The following TTLL11 variants were observed in gnomAD, a reference collection of about 807,000 sequenced individuals.
TTLL11 encodes tubulin tyrosine ligase like 11, also known as tubulin polyglutamylase TTLL11.
TTLL11 carries 42 observed loss-of-function variants against 51.7 expected under a neutral mutation model. The observed-to-expected ratio is 0.81, with a 90% CI of 0.64 to 1.05. The LOEUF is 1.05. Ranked by LOEUF, TTLL11 falls within the 50% of genes least tolerant of loss-of-function variation. The pLI is 0.00. For missense variants in TTLL11, 799 were observed against 940.4 expected (o/e 0.85, Z 1.97); for synonymous variants, 381 against 383.5 (o/e 0.99, Z 0.08).
intron 6 of TTLL11, among the ~76,000 whole-genome samples, chr9:121,896,166 A>T (rs1181524741): frequency 6.6e-6 from 1 of 152,080 alleles, no homozygotes; most frequent in Non-Finnish European, 1.5e-5. Flanking sequence ...CTGAGTAAGC[A>T]GGAGCCGTTA....
intron 6 of TTLL11, among the ~76,000 whole-genome samples, chr9:121,887,004 T>C (rs1839034653): frequency 6.6e-6 from 1 of 152,020 alleles, no homozygotes; most frequent in African/African-American, 2.4e-5. Flanking sequence ...TTGGTGTCCT[T>C]GCGAGGCTGG....
In TTLL11 at chr9:121,822,039, A is replaced by G. The variant is rs1349774896; in HGVS notation, c.*548T>C. On this transcript the variant is annotated 3_prime_UTR_variant, in exon 9 of 9. Transcript: ENST00000321582. This position sits in a 1 kb window ranked among gnomAD's most constrained non-coding sequence, Gnocchi z 5.8. ...CAGCAACAGGCAAGCTAATGAACTAAATGAGGTTAATCTGTTCACTACACC... is the reference window on the plus strand; with the variant it reads ...CAGCAACAGGCAAGCTAATGAACTAGATGAGGTTAATCTGTTCACTACACC... 1 of 152,192 alleles carries G rather than the reference A, an allele frequency of 6.6e-6. No individual in the cohort carries two copies. Among genetic ancestry groups the G allele is most frequent in the African/African-American group, 2.4e-5 (1 of 41,438 alleles). The allele number at this position is 152,192 out of a possible 1,614,324, so 9.4% of individuals were successfully genotyped here. A position where few individuals can be genotyped will look rare whatever the true frequency, so the allele number is the denominator to read the frequency against.
At chr9:121,915,859 C>T (rs1034986060) in intron 6 of TTLL11, among the ~76,000 whole-genome samples, 1 of 151,906 alleles carries the variant, frequency 6.6e-6, no homozygotes, top group African/African-American at 2.4e-5. Context: ...CAGCAGTTGG[C>T]CCCCAAACAT....
intron 1 of TTLL11, among the ~76,000 whole-genome samples, chr9:122,068,186 G>C (rs983733023): frequency 6.6e-6 from 1 of 152,136 alleles, no homozygotes; most frequent in African/African-American, 2.4e-5. Context: ...CAAAACAATA[G>C]CTAAGTTATA....
chr9:122,006,398 AT>A (rs779131676), intron 3 of TTLL11, among the ~76,000 whole-genome samples: 1 of 149,636 alleles, frequency 6.7e-6, no homozygotes, highest in East Asian at 1.9e-4. Flanking sequence ...TTTTTTCTGG[AT>A]TTTTTTTTAG....
intron 6 of TTLL11, among the ~76,000 whole-genome samples, chr9:121,927,107 T>C (rs987144999): frequency 6.6e-6 from 1 of 152,208 alleles, no homozygotes; most frequent in Non-Finnish European, 1.5e-5. Flanking sequence ...CCGGTGGAGT[T>C]AGGATTTCAA....
intron 8 of TTLL11, among the ~76,000 whole-genome samples, chr9:121,852,754 G>A (rs1426194305): frequency 1.3e-5 from 2 of 152,188 alleles, no homozygotes; most frequent in East Asian, 3.8e-4. Flanking sequence ...GGTTGAGCCG[G>A]CATCTCTGCT....
intron 1 of TTLL11, among the ~76,000 whole-genome samples, chr9:122,079,029 T>C (rs1003202646): frequency 2.6e-5 from 4 of 152,232 alleles, no homozygotes; most frequent in Non-Finnish European, 4.4e-5. Flanking sequence ...TTGTGAATAA[T>C]GCTACTATGA....
chr9:122,046,292 C>G (rs1435678513), intron 1 of TTLL11, among the ~76,000 whole-genome samples: 2 of 152,140 alleles, frequency 1.3e-5, no homozygotes, highest in African/African-American at 4.8e-5. Flanking sequence ...CTCCTTCTCT[C>G]TCTTCCTCCT....
intron 6 of TTLL11, among the ~76,000 whole-genome samples, chr9:121,957,870 T>C (rs1278136712): frequency 6.6e-6 from 1 of 152,180 alleles, no homozygotes; most frequent in Non-Finnish European, 1.5e-5. Context: ...CCCAACTCCT[T>C]ACAGTGGTAG....
intron 6 of TTLL11, among the ~76,000 whole-genome samples, chr9:121,877,555 C>T (rs1302274932): frequency 2.0e-5 from 3 of 152,312 alleles, no homozygotes; most frequent in African/African-American, 7.2e-5. Context: ...GACCCTTCCT[C>T]CCCACAAACC....
At chr9:121,852,677 T>C (rs7027689) in intron 8 of TTLL11, among the ~76,000 whole-genome samples, 2,649 of 152,280 alleles carry the variant, frequency 0.017, 74 homozygotes, top group African/African-American at 0.06. Context: ...CCTAGTCTGG[T>C]GGCACTACGG....
chr9:121,971,067 T>TGG (rs1277705902), intron 6 of TTLL11, among the ~76,000 whole-genome samples: 2 of 105,844 alleles, frequency 1.9e-5, no homozygotes, highest in Admixed American at 9.4e-5. Flanking sequence ...GGGAGGGAGG[T>TGG]GGGGGGGTCA....
At chr9:122,025,710 A>G (rs1273717224) in intron 3 of TTLL11, among the ~76,000 whole-genome samples, 1 of 152,220 alleles carries the variant, frequency 6.6e-6, no homozygotes, top group African/African-American at 2.4e-5. Context: ...GGGATGATAA[A>G]ATGACACAAC....
At chr9:121,962,043 G>T (rs553273203) in intron 6 of TTLL11, among the ~76,000 whole-genome samples, 1 of 152,270 alleles carries the variant, frequency 6.6e-6, no homozygotes, top group African/African-American at 2.4e-5. Context: ...GCAACAGAGT[G>T]AGACTCCATC....
Position 121,860,385 on chromosome 9 carries a change from C to T in TTLL11, c.1792G>A (p.Asp598Asn). ...SMAAVDILYI[D>N]ITRRWNSMTL... ...ATGGAGTTCCACCTCCGTGTGATGT[C>T]AATGTAGAGGATGTCCACGGCAGCC... The change falls in exon 8 of 9, where the codon GAC becomes AAC. Residue 598 changes from aspartate (D) to asparagine (N), a missense_variant. By Grantham distance (23) the Asp-to-Asn change is conservative. Around this residue, in one of 3 missense-constraint regions of TTLL11, gnomAD observed 165 missense variants for 166.1 expected, o/e 0.99. Transcript: ENST00000321582. 6.4e-7 allele frequency: 1 copy of T among 1,551,490 alleles called. No homozygotes were observed. Among genetic ancestry groups the T allele is most frequent in the Non-Finnish European group, 8.7e-7 (1 of 1,146,936 alleles).
At chr9:122,063,662 C>T (rs577104935) in intron 1 of TTLL11, among the ~76,000 whole-genome samples, 3 of 152,174 alleles carry the variant, frequency 2.0e-5, no homozygotes, top group South Asian at 4.1e-4. Flanking sequence ...CTGTTTTGTT[C>T]TTAAAACAAC....
chr9:121,884,176 C>T lies in TTLL11; in HGVS notation c.1482-13428G>A, dbSNP rs772954361. ...CACCTCCCCCTCCCAGAGGGACAGCCCTAAGGAGCAGTGTGTTTATGGCGA... is the reference window on the plus strand; with the variant it reads ...CACCTCCCCCTCCCAGAGGGACAGCTCTAAGGAGCAGTGTGTTTATGGCGA... On this transcript the variant is annotated intron_variant, in intron 6 of 8. Transcript: ENST00000321582. Among the ~76,000 whole-genome samples, 19 of 152,154 alleles carry T rather than the reference C, an allele frequency of 1.2e-4. 1 individual carries two copies. The highest frequency in any genetic ancestry group is 8.3e-4 in the South Asian group (4 of 4,820).
chr9:122,088,896 C>T (rs1846191902), intron 1 of TTLL11, among the ~76,000 whole-genome samples: 1 of 151,612 alleles, frequency 6.6e-6, no homozygotes. Flanking sequence ...ATCTCAGCTA[C>T]TCAGGAGGCT....
Sources: gnomAD v4.1 joint callset for allele counts (sites outside exome capture counted in the v4.1 genomes callset) on GRCh38, gnomAD v4.1.1 for gene constraint, gnomAD v4.1.1 regional missense constraint, Gnocchi (gnomAD v3.1) non-coding constraint, MANE v1.5 for transcripts, NCBI Gene and HGNC (gene_info 2026-07-23, HGNC 2026-07-21) for gene names.